C6orf132: variants seen among roughly 807,000 people sequenced by gnomAD.
The protein encoded by C6orf132 is uncharacterized protein C6orf132.
C6orf132 carries 43 observed loss-of-function variants against 65.3 expected under a neutral mutation model. The observed-to-expected ratio is 0.66, with a 90% CI of 0.52 to 0.85. C6orf132 has a LOEUF of 0.85. Ranked by LOEUF, C6orf132 falls within the 40% of genes least tolerant of loss-of-function variation. The pLI, the probability that C6orf132 is intolerant of heterozygous loss-of-function variation, is 0.00. For missense variants in C6orf132, 1,488 were observed against 1,548.8 expected, an observed-to-expected ratio of 0.96 and a Z score of 0.66; for synonymous variants, 631 against 654.1, an observed-to-expected ratio of 0.96 and a Z score of 0.54.
intron 1 of C6orf132, among the ~76,000 whole-genome samples, chr6:42,135,427 G>A (rs759450810): frequency 1.4e-4 from 21 of 152,364 alleles, no homozygotes; most frequent in Non-Finnish European, 1.8e-4. Flanking sequence ...GGGTGGGCCA[G>A]CTCCGGGCGA....
At chr6:42,126,750 G>C in intron 2 of C6orf132, 1 of 368,514 alleles carries the variant, frequency 2.7e-6, no homozygotes, top group Non-Finnish European at 4.8e-6. Flanking sequence ...GGCTGAGGCA[G>C]GAGAATCGCT....
At chr6:42,117,923 C>CAAAAAAAAAAAAAAAAAA (rs556142891) in intron 2 of C6orf132, among the ~76,000 whole-genome samples, 19 of 62,350 alleles carry the variant, frequency 3.0e-4, no homozygotes, top group African/African-American at 1.1e-3. Flanking sequence ...AACCCTGTCA[C>CAAAAAAAAAAAAAAAAAA]AAAAAAAAAA....
intron 1 of C6orf132, among the ~76,000 whole-genome samples, chr6:42,141,374 C>A (rs928759935): frequency 1.3e-5 from 2 of 152,064 alleles, no homozygotes; most frequent in Non-Finnish European, 2.9e-5. Context: ...AAGCCCCCTG[C>A]CCCCCCAACC....
At position 42,105,838 on chromosome 6, in the gene C6orf132, C is replaced by G. The variant is rs952587394; in HGVS notation, c.2074G>C (p.Ala692Pro). The G allele has an allele frequency of 3.3e-6, 5 of 1,537,252 alleles. No individual in the cohort carries two copies. The South Asian group carries it at 5.9e-5, about 18-fold the overall frequency. ...PLKATSGPAI[A>P]STATTLPTTT... ...GTGGGCAGAGTTGTGGCTGTAGATG[C>G]TATGGCAGGGCCAGATGTGGCCTTG... Residue 692 changes from alanine to proline, a missense_variant, in exon 4 of 5, where the codon GCA becomes CCA. Ala to Pro is a conservative substitution (Grantham distance 27). Transcript: ENST00000341865.
chr6:42,104,693 T>A lies in C6orf132; in HGVS notation c.3219A>T (p.Arg1073=). 1 of 1,517,170 alleles carries A rather than the reference T, an allele frequency of 6.6e-7. No individual in the cohort carries two copies. The highest frequency in any genetic ancestry group is 1.2e-5 in the South Asian group (1 of 82,294). The allele number at this position is 1,517,170 out of a possible 1,614,324, so 94.0% of individuals were successfully genotyped here. A position where few individuals can be genotyped will look rare whatever the true frequency, so the allele number is the denominator to read the frequency against. ...KKRLYVGEPH[R]GPGLPHGGTG... ...TGCCACCGTGGGGTAGCCCTGGGCC[T>A]CGGTGCGGCTCCCCGACGTACAGGC... Residue 1073 remains arginine (R), a synonymous_variant, in exon 4 of 5, where the codon CGA becomes CGT. Transcript: ENST00000341865. This position sits in a 1 kb window ranked among gnomAD's most constrained non-coding sequence, Gnocchi z 4.1.
chr6:42,107,549 C>T lies in C6orf132; in HGVS notation c.363G>A (p.Leu121=), dbSNP rs1380435307. 1.3e-6 allele frequency: 2 copies of T among 1,550,726 alleles called. No homozygotes were observed. The highest frequency in any genetic ancestry group is 2.0e-5 in the Admixed American group (1 of 50,946). ...TSSLVNGNLR[L]YSSVGDLRPG... ...GCCTCAGGTCACCCACAGAGCTGTACAGTCGGAGGTTGCCATTGACTAGTG... is the reference window on the plus strand; with the variant it reads ...GCCTCAGGTCACCCACAGAGCTGTATAGTCGGAGGTTGCCATTGACTAGTG... The change falls in exon 4 of 5, where the codon CTG becomes CTA. Residue 121 remains leucine (L), a synonymous_variant. Coordinates refer to ENST00000341865, the MANE Select transcript of C6orf132 (RefSeq NM_001164446.3).
intron 2 of C6orf132, among the ~76,000 whole-genome samples, chr6:42,120,504 C>T (rs1766664609): frequency 6.6e-6 from 1 of 151,998 alleles, no homozygotes; most frequent in Admixed American, 6.6e-5. Flanking sequence ...CCTAGGCCTC[C>T]CAAAGTGCTG....
intron 2 of C6orf132, among the ~76,000 whole-genome samples, chr6:42,120,554 T>C (rs1329263693): frequency 6.7e-6 from 1 of 149,848 alleles, no homozygotes; most frequent in African/African-American, 2.5e-5. Flanking sequence ...CCTGAGGTTC[T>C]TAACAATGAA....
chr6:42,113,064 C>T lies in C6orf132; in HGVS notation c.253-2773G>A, dbSNP rs79664281. On this transcript the variant is annotated intron_variant, in intron 2 of 4. Coordinates refer to ENST00000341865, the MANE Select transcript of C6orf132 (RefSeq NM_001164446.3). The stretch of plus-strand genomic sequence containing the variant: ...TTTCTCAAACCCAGTGATTGGGAAC[C>T]AGGGGCAGGTATAGGGACCCAGCCC... 1.7e-3 allele frequency among the ~76,000 whole-genome samples: 262 copies of T among 152,150 alleles called. 2 individuals are homozygous for T. Among genetic ancestry groups the T allele is most frequent in the African/African-American group, 5.7e-3 (236 of 41,496 alleles).
intron 2 of C6orf132, among the ~76,000 whole-genome samples, chr6:42,111,649 T>C (rs895046407): frequency 2.0e-5 from 3 of 152,110 alleles, no homozygotes; most frequent in Non-Finnish European, 4.4e-5. Flanking sequence ...GGTCTTGAAC[T>C]CCTGGGCTCA....
At chr6:42,128,806 T>A (rs1208217867) in intron 1 of C6orf132, 28 bp from the exon 2 acceptor site, 1 of 1,510,910 alleles carries the variant, frequency 6.6e-7, no homozygotes, top group African/African-American at 1.4e-5. Flanking sequence ...GGGGACACCA[T>A]AAGCTGGAGA....
intron 2 of C6orf132, among the ~76,000 whole-genome samples, chr6:42,123,504 G>C (rs1331569361): frequency 6.6e-6 from 1 of 150,994 alleles, no homozygotes; most frequent in Admixed American, 6.6e-5. Flanking sequence ...AAAGAAGAAA[G>C]AAGAAGGAGG....
Position 42,104,006 on chromosome 6 carries a change from G to T in C6orf132, c.3450-128C>A. ...CTGTATTTGCCCCGACAAGCCCTGGGCTTATCGACCCCAGGGAGGGACCGC... is the reference window on the plus strand; with the variant it reads ...CTGTATTTGCCCCGACAAGCCCTGGTCTTATCGACCCCAGGGAGGGACCGC... On this transcript the variant is annotated intron_variant, in intron 4 of 4. Transcript: ENST00000341865. This position sits in a 1 kb window ranked among gnomAD's most constrained non-coding sequence, Gnocchi z 4.1. The T allele has an allele frequency of 1.6e-6, 1 of 627,906 alleles. No homozygotes were observed. Among genetic ancestry groups the T allele is most frequent in the Non-Finnish European group, 2.4e-6 (1 of 418,650 alleles). The allele number at this position is 627,906 out of a possible 1,614,324, so 38.9% of individuals were successfully genotyped here. A position where few individuals can be genotyped will look rare whatever the true frequency, so the allele number is the denominator to read the frequency against.
intron 3 of C6orf132, among the ~76,000 whole-genome samples, chr6:42,109,242 G>T (rs1034243520): frequency 4.6e-5 from 7 of 152,070 alleles, no homozygotes; most frequent in African/African-American, 1.7e-4. Context: ...AGACCATCCT[G>T]GCCAACATGG....
Position 42,106,462 on chromosome 6 carries a change from C to T in C6orf132, c.1450G>A (p.Glu484Lys), listed in dbSNP as rs1348074141. ...GGCCTGTGACTGAGGAATCGGTCCT[C>T]TCTCCTGGAGCCACAGAGATAGGCT... ...LAAYLCGSRR[E>K]DRFLSHRPGP... Residue 484 changes from glutamate (E) to lysine (K), a missense_variant, in exon 4 of 5, where the codon GAG becomes AAG. Glu to Lys is a moderately conservative substitution (Grantham distance 56, BLOSUM62 1). Coordinates refer to ENST00000341865, the MANE Select transcript of C6orf132 (RefSeq NM_001164446.3). The T allele has an allele frequency of 2.6e-6, 4 of 1,536,260 alleles. No individual in the cohort carries two copies. Among genetic ancestry groups the T allele is most frequent in the African/African-American group, 1.4e-5 (1 of 72,946 alleles).
Position 42,104,629 on chromosome 6 carries a change from G to A in C6orf132, c.3283C>T (p.Gln1095Ter). 7.2e-7 allele frequency: 1 copy of A among 1,394,542 alleles called. No homozygotes were observed. The highest frequency in any genetic ancestry group is 9.3e-7 in the Non-Finnish European group (1 of 1,080,596). 86.4% of individuals were successfully genotyped at this position (1,394,542 alleles called of 1,614,324 possible). A position where few individuals can be genotyped will look rare whatever the true frequency, so the allele number is the denominator to read the frequency against. ...CGCCGCATCTCGGGGCCTCCGGGCTGCGGCCCGAAGCAGTTGGGAGAGCTC... is the reference window on the plus strand; with the variant it reads ...CGCCGCATCTCGGGGCCTCCGGGCTACGGCCCGAAGCAGTTGGGAGAGCTC... ...SLSSPNCFGP[Q>*]PGGPEMRRVN... Residue 1095 changes from glutamine (Q) to a stop codon, truncating the protein, a stop_gained, in exon 4 of 5, where the codon CAG becomes TAG. Coordinates refer to ENST00000341865, the MANE Select transcript of C6orf132 (RefSeq NM_001164446.3). LOFTEE classifies it high-confidence loss of function. This position sits in a 1 kb window ranked among gnomAD's most constrained non-coding sequence, Gnocchi z 4.1.
intron 1 of C6orf132, among the ~76,000 whole-genome samples, chr6:42,142,086 G>T (rs67286884): frequency 0.39 from 59,294 of 151,478 alleles, 11,871 homozygotes; most frequent in East Asian, 0.57. Context: ...CGTGGTGGTG[G>T]GGGGGGTCCC....
At chr6:42,133,587 G>T (rs1053047953) in intron 1 of C6orf132, among the ~76,000 whole-genome samples, 1 of 152,086 alleles carries the variant, frequency 6.6e-6, no homozygotes, top group Non-Finnish European at 1.5e-5. Context: ...TCTGAGCAAG[G>T]CCTGAGCCCC....
At chr6:42,123,063 C>G (rs913146798) in intron 2 of C6orf132, among the ~76,000 whole-genome samples, 1 of 152,190 alleles carries the variant, frequency 6.6e-6, no homozygotes, top group Non-Finnish European at 1.5e-5. Context: ...CTGCCACCCA[C>G]TGTTCTATGG....
Sources: allele counts gnomAD v4.1 joint callset (sites outside exome capture counted in the v4.1 genomes callset), GRCh38; gene constraint gnomAD v4.1.1; non-coding constraint Gnocchi (gnomAD v3.1); transcripts MANE v1.5; gene names NCBI Gene and HGNC (gene_info 2026-07-23, HGNC 2026-07-21).